SLC25A38: variants seen among roughly 807,000 people sequenced by gnomAD.
The protein encoded by SLC25A38 is mitochondrial glycine transporter.
A neutral mutation model predicts 33.4 loss-of-function variants in SLC25A38; 27 were observed. The observed-to-expected ratio is 0.81, with a 90% CI of 0.60 to 1.11. The LOEUF is 1.11. Among genes scored for constraint, SLC25A38 ranks in the 50% most tolerant of loss-of-function variants. SLC25A38 has a pLI of 0.00. For synonymous variants in SLC25A38, 123 were observed against 145.9 expected (o/e 0.84, Z 1.13); for missense variants, 344 against 388.8 (o/e 0.88, Z 0.97).
intron 1 of SLC25A38, among the ~76,000 whole-genome samples, chr3:39,386,037 C>T (rs537015537): frequency 6.6e-6 from 1 of 152,266 alleles, no homozygotes; most frequent in South Asian, 2.1e-4. Context: ...TGGACTTTAT[C>T]CTGAGAGGAA....
rs767154505 is a variant in SLC25A38, at chr3:39,394,405, T to C, written c.626-5T>C. The stretch of plus-strand genomic sequence containing the variant: ...TGTCCACATGTTACCTTTGTTCTAT[T>C]TCAGACCAGGTGGATGCAACCCTTA... On this transcript the variant is annotated splice_polypyrimidine_tract_variant and splice_region_variant and intron_variant, in intron 5 of 6. Transcript: ENST00000650617. 20 of 1,612,504 alleles carry C rather than the reference T, an allele frequency of 1.2e-5. No individual in the cohort carries two copies. The Admixed American group carries it at 3.0e-4, about 24-fold the overall frequency.
intron 5 of SLC25A38, among the ~76,000 whole-genome samples, chr3:39,392,542 G>A (rs1271405438): frequency 2.0e-5 from 3 of 152,080 alleles, no homozygotes; most frequent in Non-Finnish European, 4.4e-5. Context: ...AGGTGGAGAT[G>A]AAGGTGTCAA....
In SLC25A38 at chr3:39,383,758, C is replaced by T. The variant is rs909039225; in HGVS notation, c.34C>T (p.Pro12Ser). ...IQNSRPSLLQ[P>S]QDVGDTVETL... ...GAACTCACGTCCGTCGCTGCTGCAA[C>T]CCCAAGATGTCGGAGACACGGTGGA... is the stretch of plus-strand genomic sequence containing the variant. Residue 12 changes from proline to serine, a missense_variant, in exon 1 of 7, where the codon CCC (proline) becomes TCC (serine). This residue lies in a region of SLC25A38 where 269 missense variants were observed against 271.8 expected (regional missense o/e 0.99). Transcript: ENST00000650617. 2.5e-6 allele frequency: 4 copies of T among 1,614,058 alleles called. No homozygotes were observed. In the African/African-American group the frequency reaches 4.0e-5, roughly 16 times the overall value.
At chr3:39,392,850 ACT>A (rs948765507) in intron 5 of SLC25A38, among the ~76,000 whole-genome samples, 47 of 152,262 alleles carry the variant, frequency 3.1e-4, no homozygotes, top group Middle Eastern at 3.4e-3. Context: ...AGAAGGTGTA[ACT>A]CTGCAGGTCA....
intron 5 of SLC25A38, 106 bp downstream of exon 5, chr3:39,392,127 A>C: frequency 4.9e-6 from 7 of 1,424,728 alleles, no homozygotes; most frequent in Non-Finnish European, 6.9e-6. Flanking sequence ...GAGTGTTAGG[A>C]ACTGAGCCAT....
Position 39,389,735 on chromosome 3 carries a change from C to T in SLC25A38, c.191+119C>T. 1 of 1,513,642 alleles carries T rather than the reference C, an allele frequency of 6.6e-7. No homozygotes were observed. Among genetic ancestry groups the T allele is most frequent in the South Asian group, 1.1e-5 (1 of 87,552 alleles). 93.8% of individuals were successfully genotyped at this position (1,513,642 alleles called of 1,614,324 possible). The stretch of plus-strand genomic sequence containing the variant: ...TGTTCAGAGAGAAACACAGGCCATG[C>T]CCAACTTTCATATGTTCTCTGAATT... On this transcript the variant is annotated intron_variant, in intron 2 of 6. Coordinates refer to ENST00000650617, the MANE Select transcript of SLC25A38 (RefSeq NM_017875.4). The surrounding 1 kb of genome is among the most constrained non-coding windows in gnomAD (Gnocchi z 4.5).
chr3:39,384,796 CTTTT>C, intron 1 of SLC25A38: 1 of 377,770 alleles, frequency 2.6e-6, no homozygotes. Flanking sequence ...GCTTTCTTTT[CTTTT>C]TTCTTTTTTT....
intron 6 of SLC25A38, among the ~76,000 whole-genome samples, chr3:39,396,026 T>C (rs1416980409): frequency 1.3e-5 from 2 of 151,916 alleles, no homozygotes; most frequent in Admixed American, 6.6e-5. Context: ...CTGGCCAATA[T>C]GGTGAAAACC....
In SLC25A38 at chr3:39,396,495, T is replaced by C. The variant is rs961378230; in HGVS notation, c.890T>C (p.Met297Thr). 9.9e-6 allele frequency: 16 copies of C among 1,613,962 alleles called. No individual in the cohort carries two copies. The highest frequency in any genetic ancestry group is 1.4e-5 in the Non-Finnish European group (16 of 1,180,018). Reference protein sequence around the residue: ...AMAWTVYEEMMAKMGLKS With the variant: ...AMAWTVYEEMTAKMGLKS Reference sequence around the variant, plus strand: ...GCGTGGACGGTGTATGAAGAGATGATGGCCAAGATGGGCCTGAAGTCCTGA... The same window carrying C: ...GCGTGGACGGTGTATGAAGAGATGACGGCCAAGATGGGCCTGAAGTCCTGA... The change falls in exon 7 of 7, where the codon ATG becomes ACG. Residue 297 changes from methionine to threonine, a missense_variant. By Grantham distance (81) the Met-to-Thr change is moderately conservative. Around this residue, in one of 2 missense-constraint regions of SLC25A38, gnomAD observed 75 missense variants for 117.0 expected, o/e 0.64. Transcript: ENST00000650617.
Position 39,389,297 on chromosome 3 carries a change from C to A in SLC25A38, c.70-198C>A. The A allele has an allele frequency of 2.4e-6, 2 of 816,374 alleles. No homozygotes were observed. Among genetic ancestry groups the A allele is most frequent in the Non-Finnish European group, 4.1e-6 (2 of 486,324 alleles). 50.6% of individuals were successfully genotyped at this position (816,374 alleles called of 1,614,324 possible). A position where few individuals can be genotyped will look rare whatever the true frequency, so the allele number is the denominator to read the frequency against. On this transcript the variant is annotated intron_variant, in intron 1 of 6. Coordinates refer to ENST00000650617, the MANE Select transcript of SLC25A38 (RefSeq NM_017875.4). The surrounding 1 kb of genome is among the most constrained non-coding windows in gnomAD (Gnocchi z 4.5). ...CGAAGACCAGAGATACCTCTTGCAG[C>A]ATCCAATGTCCTCAATAACATTGCA...
intron 1 of SLC25A38, among the ~76,000 whole-genome samples, chr3:39,385,440 A>G (rs1421838559): frequency 6.6e-6 from 1 of 152,154 alleles, no homozygotes; most frequent in Admixed American, 6.5e-5. Flanking sequence ...TTGTTTTAAA[A>G]CAAATTCCAC....
Position 39,390,343 on chromosome 3 carries a change from G to A in SLC25A38, c.192-80G>A, listed in dbSNP as rs1575244501. The A allele has an allele frequency of 3.6e-6, 5 of 1,377,940 alleles. No individual in the cohort carries two copies. The East Asian group carries it at 1.1e-4, about 32-fold the overall frequency. 85.4% of individuals were successfully genotyped at this position (1,377,940 alleles called of 1,614,324 possible). On this transcript the variant is annotated intron_variant, in intron 2 of 6. Transcript: ENST00000650617. ...TCCTAAAAATGAGTCTATAAAGGAA[G>A]TGTTTGAGTGGGGAATTGTTTTATG...
At chr3:39,386,053 A>G (rs1452533121) in intron 1 of SLC25A38, among the ~76,000 whole-genome samples, 3 of 152,122 alleles carry the variant, frequency 2.0e-5, no homozygotes, top group Non-Finnish European at 4.4e-5. Flanking sequence ...AGGAATATGA[A>G]CCAATTAAAG....
chr3:39,391,929 T>G lies in SLC25A38; in HGVS notation c.533T>G (p.Phe178Cys), dbSNP rs2041775254. 2 of 1,614,044 alleles carry G rather than the reference T, an allele frequency of 1.2e-6. No individual in the cohort carries two copies. Among genetic ancestry groups the G allele is most frequent in the Admixed American group, 3.3e-5 (2 of 60,000 alleles). ...CACAGTGAGGGGCACCGGGGCCTCT[T>G]CAGTGGCCTGACAGCAACTCTCCTT... is the stretch of plus-strand genomic sequence containing the variant. The part of the protein sequence containing the change: ...IYHSEGHRGL[F>C]SGLTATLLRD... Residue 178 changes from phenylalanine (F) to cysteine (C), a missense_variant, in exon 5 of 7, where the codon TTC (phenylalanine) becomes TGC (cysteine). Transcript: ENST00000650617.
intron 3 of SLC25A38, 147 bp from the exon 4 acceptor site, chr3:39,391,294 C>A (rs45503293): frequency 2.8e-6 from 3 of 1,086,350 alleles, no homozygotes; most frequent in Non-Finnish European, 4.2e-6. Context: ...TATCTCATGT[C>A]CCCCACTTCC....
rs121918331 is a variant in SLC25A38, at chr3:39,391,956, G to C, written c.560G>C (p.Arg187Pro). 12 of 1,614,086 alleles carry C rather than the reference G, an allele frequency of 7.4e-6. No homozygotes were observed. Among genetic ancestry groups the C allele is most frequent in the African/African-American group, 1.3e-5 (1 of 74,928 alleles). ...AGTGGCCTGACAGCAACTCTCCTTC[G>C]AGATGCGCCCTTCTCAGGAATCTAC... ...LFSGLTATLL[R>P]DAPFSGIYLM... The change falls in exon 5 of 7, where the codon CGA becomes CCA. Residue 187 changes from arginine (R) to proline (P), a missense_variant. Around this residue, in one of 2 missense-constraint regions of SLC25A38, gnomAD observed 269 missense variants for 271.8 expected, o/e 0.99. Coordinates refer to ENST00000650617, the MANE Select transcript of SLC25A38 (RefSeq NM_017875.4).
intron 5 of SLC25A38, among the ~76,000 whole-genome samples, chr3:39,393,259 A>C (rs937082235): frequency 6.6e-6 from 1 of 151,944 alleles, no homozygotes; most frequent in African/African-American, 2.4e-5. Flanking sequence ...GCACTCCAGC[A>C]CTCCAGCCTG....
At chr3:39,395,780 TG>T (rs2041820848) in intron 6 of SLC25A38, among the ~76,000 whole-genome samples, 1 of 152,062 alleles carries the variant, frequency 6.6e-6, no homozygotes, top group Non-Finnish European at 1.5e-5. Flanking sequence ...GGATTTCATC[TG>T]CTACTTGGGG....
chr3:39,394,512 C>T lies in SLC25A38; in HGVS notation c.728C>T (p.Thr243Ile), dbSNP rs1334927782. 1.9e-6 allele frequency: 3 copies of T among 1,614,158 alleles called. No homozygotes were observed. The highest frequency in any genetic ancestry group is 2.2e-5 in the East Asian group (1 of 44,872). ...ACTCAACCTGCGGATGTTATCAAAA[C>T]TCATATGCAGCTTTATCCACTGAAG... ...LVTQPADVIK[T>I]HMQLYPLKFQ... Residue 243 changes from threonine (T) to isoleucine (I), a missense_variant, in exon 6 of 7, where the codon ACT becomes ATT. By Grantham distance (89) the Thr-to-Ile change is moderately conservative. Coordinates refer to ENST00000650617, the MANE Select transcript of SLC25A38 (RefSeq NM_017875.4).
Sources: gnomAD v4.1 joint callset for allele counts (sites outside exome capture counted in the v4.1 genomes callset) on GRCh38, gnomAD v4.1.1 for gene constraint, gnomAD v4.1.1 regional missense constraint, Gnocchi (gnomAD v3.1) non-coding constraint, MANE v1.5 for transcripts, NCBI Gene and HGNC (gene_info 2026-07-23, HGNC 2026-07-21) for gene names.